The following SLC30A8 variants were observed in gnomAD, a reference collection of about 807,000 sequenced individuals.
The protein encoded by SLC30A8 is proton-coupled zinc antiporter SLC30A8.
Under a neutral mutation model 36.9 loss-of-function variants are expected in SLC30A8, and 27 were observed. The observed-to-expected ratio is 0.73, with a 90% CI of 0.54 to 1.01. The LOEUF (loss-of-function observed/expected upper bound fraction) is 1.01. Ranked by LOEUF, SLC30A8 falls within the 50% of genes least tolerant of loss-of-function variation. The pLI is 0.00. For missense variants in SLC30A8, 439 were observed against 452.0 expected (o/e 0.97, Z 0.26); for synonymous variants, 164 against 172.4 (o/e 0.95, Z 0.38).
intron 1 of SLC30A8, among the ~76,000 whole-genome samples, chr8:117,142,185 C>A (rs929784941): frequency 6.6e-6 from 1 of 152,098 alleles, no homozygotes; most frequent in South Asian, 2.1e-4. Flanking sequence ...CTCTATTATT[C>A]CCCCTTAACT....
At chr8:117,111,858 A>G (rs1202958270) in intron 2 of SLC30A8, among the ~76,000 whole-genome samples, 2 of 151,934 alleles carry the variant, frequency 1.3e-5, no homozygotes, top group African/African-American at 4.8e-5. Context: ...TGGTTGAGGC[A>G]TTTTTTCTTC....
chr8:116,975,738 G>C (rs1053060092), intron 1 of SLC30A8, among the ~76,000 whole-genome samples: 2 of 152,238 alleles, frequency 1.3e-5, no homozygotes. Context: ...TGTGCTAAAG[G>C]AGGCTTTTTC....
Position 117,151,274 on chromosome 8 carries a change from TAAAC to T in SLC30A8, c.272-1667_272-1664del, listed in dbSNP as rs1222220730. Among the ~76,000 whole-genome samples, 7 of 152,334 alleles carry T rather than the reference TAAAC, an allele frequency of 4.6e-5. No homozygotes were observed. The South Asian group carries it at 1.2e-3, about 27-fold the overall frequency. The stretch of plus-strand genomic sequence containing the variant: ...AACTTGTCTCTGGTACAGTGAGTGT[TAAAC>T]AAGGAGATCACTGAAGAGAGGCTGT... On this transcript the variant is annotated intron_variant, in intron 2 of 7. Coordinates refer to ENST00000456015, the MANE Select transcript of SLC30A8 (RefSeq NM_173851.3).
At chr8:117,088,956 A>T (rs999039948) in intron 2 of SLC30A8, among the ~76,000 whole-genome samples, 1 of 152,128 alleles carries the variant, frequency 6.6e-6, no homozygotes, top group African/African-American at 2.4e-5. Flanking sequence ...GTGATATGTA[A>T]TCTTCTTTCT....
At chr8:116,997,107 T>C (rs950245666) in intron 1 of SLC30A8, among the ~76,000 whole-genome samples, 3 of 152,232 alleles carry the variant, frequency 2.0e-5, no homozygotes, top group Non-Finnish European at 2.9e-5. Context: ...GCACAGTTTC[T>C]AAAAACCTGT....
chr8:117,069,283 A>G (rs1054719048), intron 2 of SLC30A8, among the ~76,000 whole-genome samples: 1 of 152,228 alleles, frequency 6.6e-6, no homozygotes, highest in Non-Finnish European at 1.5e-5. Flanking sequence ...CAGGTTTTGG[A>G]AAAGTATATC....
chr8:117,149,554 T>C (rs540923015), intron 2 of SLC30A8, among the ~76,000 whole-genome samples: 1 of 152,166 alleles, frequency 6.6e-6, no homozygotes, highest in Non-Finnish European at 1.5e-5. Flanking sequence ...AGAAAGATGA[T>C]AAACACAAGT....
chr8:117,050,757 T>C (rs1384253772), intron 2 of SLC30A8, among the ~76,000 whole-genome samples: 1 of 152,184 alleles, frequency 6.6e-6, no homozygotes, highest in Non-Finnish European at 1.5e-5. Flanking sequence ...TGATTTGAGC[T>C]TTTATCTGCT....
intron 2 of SLC30A8, among the ~76,000 whole-genome samples, chr8:117,114,128 C>G (rs1271076392): frequency 6.6e-6 from 1 of 152,122 alleles, no homozygotes; most frequent in East Asian, 1.9e-4. Flanking sequence ...TTGGAGAATT[C>G]AGACACACAG....
At chr8:116,982,824 TC>T (rs1166368164) in intron 1 of SLC30A8, among the ~76,000 whole-genome samples, 1 of 152,092 alleles carries the variant, frequency 6.6e-6, no homozygotes, top group Non-Finnish European at 1.5e-5. Context: ...TAATTCATGC[TC>T]CCTGGAGAAC....
intron 2 of SLC30A8, among the ~76,000 whole-genome samples, chr8:117,047,864 C>A (rs1002006437): frequency 1.3e-5 from 2 of 152,192 alleles, no homozygotes; most frequent in African/African-American, 4.8e-5. Flanking sequence ...CCCACCAAAA[C>A]CAAGATGGTG....
chr8:117,074,844 T>C (rs981437619), intron 2 of SLC30A8, among the ~76,000 whole-genome samples: 2 of 152,226 alleles, frequency 1.3e-5, no homozygotes, highest in East Asian at 1.9e-4. Context: ...TCTGCCTCTA[T>C]AAAATTGCTT....
chr8:117,006,997 C>A (rs1411523863), intron 1 of SLC30A8: 1 of 102,644 alleles, frequency 9.7e-6, no homozygotes, highest in Non-Finnish European at 1.8e-5. Context: ...GTAGAGACAG[C>A]ATTTCCCCAT....
At position 117,168,647 on chromosome 8, in the gene SLC30A8, A is replaced by T. The variant is rs116404491; in HGVS notation, c.830-2387A>T. ...TAATAGTAATGAGATGAAGGAGACA[A>T]GTGAAAAAAGGGTAGTGGGATCATG... On this transcript the variant is annotated intron_variant, in intron 6 of 7. Coordinates refer to ENST00000456015, the MANE Select transcript of SLC30A8 (RefSeq NM_173851.3). 9.4e-3 allele frequency among the ~76,000 whole-genome samples: 1,433 copies of T among 152,262 alleles called. 23 individuals carry two copies. The highest frequency in any genetic ancestry group is 0.032 in the African/African-American group (1,341 of 41,548).
chr8:117,092,799 G>T (rs1205233310), intron 2 of SLC30A8, among the ~76,000 whole-genome samples: 1 of 152,190 alleles, frequency 6.6e-6, no homozygotes, highest in Non-Finnish European at 1.5e-5. Context: ...TGCTGCCTGA[G>T]CAAAACTCCA....
chr8:117,071,238 C>G (rs560053671), intron 2 of SLC30A8, among the ~76,000 whole-genome samples: 1 of 152,214 alleles, frequency 6.6e-6, no homozygotes, highest in African/African-American at 2.4e-5. Flanking sequence ...TGTTGAGAGC[C>G]ATTCTAACAG....
intron 1 of SLC30A8, among the ~76,000 whole-genome samples, chr8:117,024,761 C>T (rs923312002): frequency 1.3e-5 from 2 of 152,118 alleles, no homozygotes; most frequent in African/African-American, 4.8e-5. Flanking sequence ...TGTTCTTTTT[C>T]TCCCCTATCA....
chr8:117,150,404 G>A (rs539495558), intron 2 of SLC30A8, among the ~76,000 whole-genome samples: 2 of 152,264 alleles, frequency 1.3e-5, no homozygotes, highest in African/African-American at 2.4e-5. Context: ...AGGCCCCATC[G>A]TTCCTCTGCT....
intron 2 of SLC30A8, among the ~76,000 whole-genome samples, chr8:117,105,495 GT>G (rs1563600070): frequency 6.6e-6 from 1 of 152,086 alleles, no homozygotes; most frequent in Non-Finnish European, 1.5e-5. Flanking sequence ...CTTTATATGA[GT>G]GTGTATATTA....
Sources: allele counts gnomAD v4.1 joint callset (sites outside exome capture counted in the v4.1 genomes callset), GRCh38; gene constraint gnomAD v4.1.1; transcripts MANE v1.5; gene names NCBI Gene and HGNC (gene_info 2026-07-23, HGNC 2026-07-21).